ELK1: variants seen among roughly 807,000 people sequenced by gnomAD.
The protein encoded by ELK1 is ETS domain-containing protein Elk-1.
For synonymous variants in ELK1, 163 were observed against 176.3 expected, an observed-to-expected ratio of 0.92 and a Z score of 0.60; for missense variants, 254 against 381.5, an observed-to-expected ratio of 0.67 and a Z score of 2.78.
intron 2 of ELK1, among the ~76,000 whole-genome samples, chrX:47,648,264 A>G (rs1478580841): frequency 9.0e-6 from 1 of 111,384 alleles, no homozygotes; most frequent in African/African-American, 3.3e-5. Context: ...CCCTGTGCCC[A>G]GCTACACACC....
At chrX:47,644,559 G>A (rs1366771542) in intron 2 of ELK1, among the ~76,000 whole-genome samples, 2 of 110,649 alleles carry the variant, frequency 1.8e-5, no homozygotes, top group African/African-American at 6.6e-5. Context: ...ACTTTTACAT[G>A]GAGAGTCAGG....
chrX:47,636,998 G>C lies in ELK1; in HGVS notation c.1188+15C>G. ...GGTCTCTCACCCTGTCCAAAACGGG[G>C]AAAGAGGATCCTACCTGGAAGGAGA... On this transcript the variant is annotated intron_variant, in intron 6 of 6. Coordinates refer to ENST00000376983, the MANE Select transcript of ELK1 (RefSeq NM_001114123.3). 8.3e-7 allele frequency: 1 copy of C among 1,207,899 alleles called. No individual in the cohort carries two copies.
At chrX:47,640,084 T>TTACTGGTATAA (rs2058023473) in intron 3 of ELK1, among the ~76,000 whole-genome samples, 1 of 111,279 alleles carries the variant, frequency 9.0e-6, no homozygotes, top group Non-Finnish European at 1.9e-5. Flanking sequence ...TAGACAAGAA[T>TTACTGGTATAA]ATTAAAAATA....
chrX:47,637,776 G>T lies in ELK1; in HGVS notation c.1061C>A (p.Pro354Gln). The T allele has an allele frequency of 8.4e-7, 1 of 1,194,950 alleles. No individual in the cohort carries two copies. Among genetic ancestry groups the T allele is most frequent in the Non-Finnish European group, 1.1e-6 (1 of 886,165 alleles). Residue 354 changes from proline (P) to glutamine (Q), a missense_variant, in exon 5 of 7, where the codon CCA becomes CAA. Physicochemically the swap from Pro to Gln is moderately conservative, Grantham distance 76 (BLOSUM62 -1). Coordinates refer to ENST00000376983, the MANE Select transcript of ELK1 (RefSeq NM_001114123.3). ...GLQAPGPALT[P>Q]SLLPTHTLTP... The stretch of plus-strand genomic sequence containing the variant: ...CAATGTATGCGTAGGAAGCAGGGAT[G>T]GGGTCAGCGCCGGCCCCGGAGCCTG...
At position 47,638,922 on chromosome X, in the gene ELK1, C is replaced by A. The variant is rs371184593; in HGVS notation, c.627G>T (p.Glu209Asp). Residue 209 changes from glutamate (E) to aspartate (D), a missense_variant, in exon 4 of 7, where the codon GAG becomes GAT. By Grantham distance (45) the Glu-to-Asp change is conservative. Coordinates refer to ENST00000376983, the MANE Select transcript of ELK1 (RefSeq NM_001114123.3). The stretch of plus-strand genomic sequence containing the variant: ...GCAGAGGCAAGCCGGCCTCTTCAGC[C>A]TCCAGACAGGCCTCCAAGGGGCTTG... Reference protein sequence around the residue: ...TSPSPLEACLEAEEAGLPLQV... With the variant: ...TSPSPLEACLDAEEAGLPLQV... 5 of 1,204,145 alleles carry A rather than the reference C, an allele frequency of 4.2e-6. No homozygotes were observed. Among genetic ancestry groups the A allele is most frequent in the Non-Finnish European group, 5.6e-6 (5 of 892,133 alleles).
rs376202547 is a variant in ELK1 at position 47,641,475 on chromosome X, C to G, written c.-34G>C. On this transcript the variant is annotated splice_region_variant and 5_prime_UTR_variant, in exon 3 of 7. Transcript: ENST00000376983. ...GAGTGCTCACGCCATCCCAGGGGTA[C>G]CTGGAGAGCAAACAGCTGAGTTGAG... The G allele has an allele frequency of 5.3e-5, 63 of 1,179,760 alleles. No individual in the cohort carries two copies. In the Middle Eastern group the frequency reaches 1.6e-3, roughly 30 times the overall value.
rs1279110633 is a variant in ELK1, at chrX:47,636,725, G to A, written c.*104C>T. ...AAGGATCCCCACCCCACCACAATCA[G>A]AGCATGAGTCTTTCAGTTGAACTAT... On this transcript the variant is annotated 3_prime_UTR_variant, in exon 7 of 7. Transcript: ENST00000376983. 2.5e-6 allele frequency: 2 copies of A among 808,840 alleles called. No individual in the cohort carries two copies. Among genetic ancestry groups the A allele is most frequent in the Non-Finnish European group, 1.7e-6 (1 of 578,364 alleles). 66.7% of individuals were successfully genotyped at this position (808,840 alleles called of 1,213,427 possible).
At chrX:47,639,502 T>C (rs1431876287) in intron 3 of ELK1, among the ~76,000 whole-genome samples, 164 bp from the exon 4 acceptor site, 2 of 111,050 alleles carry the variant, frequency 1.8e-5, no homozygotes, top group African/African-American at 3.3e-5. Flanking sequence ...TAAGTTTCTC[T>C]CTCAGCCCAT....
rs770479468 is a variant in ELK1, at chrX:47,638,145, G to A, written c.692C>T (p.Ser231Leu). ...LTPPEAPNLK[S>L]EELNVEPGLG... is the part of the protein sequence containing the mutation. ...ACCCGGCTCCACATTAAGCTCTTCC[G>A]ATTTCAGGTTTGGGGCCTCGGGCGG... The change falls in exon 5 of 7, where the codon TCG becomes TTG. Residue 231 changes from serine (S) to leucine (L), a missense_variant. Coordinates refer to ENST00000376983, the MANE Select transcript of ELK1 (RefSeq NM_001114123.3). The A allele has an allele frequency of 8.3e-7, 1 of 1,210,268 alleles. No individual in the cohort carries two copies. Among genetic ancestry groups the A allele is most frequent in the Non-Finnish European group, 1.1e-6 (1 of 894,855 alleles).
chrX:47,650,445 G>T lies in ELK1; in HGVS notation c.-163C>A. ...CACCTGTGTGTAGCGTGGCGGTGGC[G>T]TTGGCAATGTTGGCAGCTCCGGGGG... On this transcript the variant is annotated 5_prime_UTR_variant, in exon 1 of 7. Transcript: ENST00000376983. 1 of 358,381 alleles carries T rather than the reference G, an allele frequency of 2.8e-6. No individual in the cohort carries two copies. The highest frequency in any genetic ancestry group is 2.4e-5 in the South Asian group (1 of 41,694). 29.5% of individuals were successfully genotyped at this position (358,381 alleles called of 1,213,427 possible). A position where few individuals can be genotyped will look rare whatever the true frequency, so the allele number is the denominator to read the frequency against.
chrX:47,637,302 C>T (rs1235289479), intron 5 of ELK1, among the ~76,000 whole-genome samples, 188 bp from the exon 6 acceptor site: 2 of 110,276 alleles, frequency 1.8e-5, no homozygotes, highest in Admixed American at 1.9e-4. Context: ...AGACACCCCC[C>T]ACTCCCCACT....
Position 47,644,695 on chromosome X carries a change from T to A in ELK1, c.-34-3220A>T, listed in dbSNP as rs955386710. On this transcript the variant is annotated intron_variant, in intron 2 of 6. Transcript: ENST00000376983. ...GCAGCCGGTGTGAAGGGCCCAAGGCTGGAGAGTGCCTGGCAGGTGACATGG... is the reference window on the plus strand; with the variant it reads ...GCAGCCGGTGTGAAGGGCCCAAGGCAGGAGAGTGCCTGGCAGGTGACATGG... 2.7e-5 allele frequency among the ~76,000 whole-genome samples: 3 copies of A among 110,237 alleles called. No individual in the cohort carries two copies. The East Asian group carries it at 8.6e-4, about 32-fold the overall frequency.
intron 2 of ELK1, among the ~76,000 whole-genome samples, chrX:47,645,581 A>C (rs1008907037): frequency 5.3e-5 from 6 of 112,174 alleles, no homozygotes; most frequent in Non-Finnish European, 1.1e-4. Context: ...TTCCCCAAGG[A>C]AGTGACACCT....
chrX:47,638,953 G>A lies in ELK1; in HGVS notation c.596C>T (p.Thr199Ile), dbSNP rs772387253. 6 of 1,203,027 alleles carry A rather than the reference G, an allele frequency of 5.0e-6. No individual in the cohort carries two copies. In the South Asian group the frequency reaches 5.4e-5, roughly 11 times the overall value. The change falls in exon 4 of 7, where the codon ACC becomes ATC. Residue 199 changes from threonine to isoleucine, a missense_variant. Transcript: ENST00000376983. ...AAAPPSGSRSTSPSPLEACLE... is the reference protein window; with the variant it reads ...AAAPPSGSRSISPSPLEACLE... ...ACAGGCCTCCAAGGGGCTTGGACTG[G>A]TGCTCCTGCTCCCCGAGGGGGGCGC...
chrX:47,646,568 T>G (rs2058044069), intron 2 of ELK1, among the ~76,000 whole-genome samples: 1 of 112,759 alleles, frequency 8.9e-6, no homozygotes, highest in Non-Finnish European at 1.9e-5. Context: ...GAACATATCC[T>G]TTTGAAAAGG....
chrX:47,646,687 G>C (rs2058044514), intron 2 of ELK1, among the ~76,000 whole-genome samples: 1 of 112,330 alleles, frequency 8.9e-6, no homozygotes, highest in African/African-American at 3.2e-5. Context: ...ATCCTTTGGG[G>C]GTTGGTATTT....
Position 47,638,016 on chromosome X carries a change from G to A in ELK1, c.821C>T (p.Pro274Leu). The A allele has an allele frequency of 8.3e-7, 1 of 1,211,256 alleles. No homozygotes were observed. The highest frequency in any genetic ancestry group is 1.1e-6 in the Non-Finnish European group (1 of 895,334). ...CACGCCCTCCTGTGGAGGGACTTCTGGCTCGGCCTTGGTGGTTTCTGGCAC... is the reference window on the plus strand; with the variant it reads ...CACGCCCTCCTGTGGAGGGACTTCTAGCTCGGCCTTGGTGGTTTCTGGCAC... ...GFVPETTKAE[P>L]EVPPQEGVPA... is the part of the protein sequence containing the mutation. Residue 274 changes from proline to leucine, a missense_variant, in exon 5 of 7, where the codon CCA becomes CTA. By Grantham distance (98) the Pro-to-Leu change is moderately conservative. Coordinates refer to ENST00000376983, the MANE Select transcript of ELK1 (RefSeq NM_001114123.3).
chrX:47,648,113 C>T (rs1332413036), intron 2 of ELK1, among the ~76,000 whole-genome samples: 2 of 110,382 alleles, frequency 1.8e-5, no homozygotes, highest in Non-Finnish European at 3.8e-5. Flanking sequence ...GTGTATTACA[C>T]ACACCACAGT....
rs761382139 is a variant in ELK1, at chrX:47,636,940, A to G, written c.1189-13T>C. On this transcript the variant is annotated splice_polypyrimidine_tract_variant and intron_variant, in intron 6 of 6. Coordinates refer to ENST00000376983, the MANE Select transcript of ELK1 (RefSeq NM_001114123.3). ...CACTGGATGGAAACTGGGGGCAAAAAGAGGGAGAGGTCACAGATGGGGGCC... is the reference window on the plus strand; with the variant it reads ...CACTGGATGGAAACTGGGGGCAAAAGGAGGGAGAGGTCACAGATGGGGGCC... 1 of 1,185,047 alleles carries G rather than the reference A, an allele frequency of 8.4e-7. No individual in the cohort carries two copies. Among genetic ancestry groups the G allele is most frequent in the East Asian group, 3.1e-5 (1 of 32,390 alleles).
Sources: allele counts gnomAD v4.1 joint callset (sites outside exome capture counted in the v4.1 genomes callset), GRCh38; gene constraint gnomAD v4.1.1; transcripts MANE v1.5; gene names NCBI Gene and HGNC (gene_info 2026-07-23, HGNC 2026-07-21).